TRAPPC9: variants seen among roughly 807,000 people sequenced by gnomAD.
The protein encoded by TRAPPC9 is IKK2 binding protein.
A neutral mutation model predicts 124.0 loss-of-function variants in TRAPPC9; 83 were observed. The ratio of observed to expected loss-of-function variants is 0.67; its 90% confidence interval spans 0.56 to 0.80. The LOEUF (loss-of-function observed/expected upper bound fraction) is 0.80. TRAPPC9 is among the 30% of genes least tolerant of loss of function. The pLI, the probability that TRAPPC9 is intolerant of heterozygous loss-of-function variation, is 0.00. For synonymous variants in TRAPPC9, 638 were observed against 617.5 expected, an observed-to-expected ratio of 1.03 and a Z score of -0.49; for missense variants, 1,302 against 1,508.3, an observed-to-expected ratio of 0.86 and a Z score of 2.27.
At chr8:139,943,561 C>A (rs996761562) in intron 19 of TRAPPC9, among the ~76,000 whole-genome samples, 3 of 152,154 alleles carry the variant, frequency 2.0e-5, no homozygotes, top group Admixed American at 6.5e-5. Flanking sequence ...AGAAAAGACA[C>A]TCAATAAATT....
At chr8:140,007,487 T>A (rs1345162772) in intron 18 of TRAPPC9, among the ~76,000 whole-genome samples, 2 of 152,218 alleles carry the variant, frequency 1.3e-5, no homozygotes, top group Admixed American at 6.5e-5. Flanking sequence ...AATAACAACC[T>A]GAAATCATGT....
intron 5 of TRAPPC9, 100 bp from the exon 6 acceptor site, chr8:140,405,798 A>G: frequency 7.4e-7 from 1 of 1,350,474 alleles, no homozygotes. Flanking sequence ...AATATGCCCT[A>G]CTGAAATTTA....
chr8:140,134,928 G>T (rs536091163), intron 17 of TRAPPC9, among the ~76,000 whole-genome samples: 1 of 152,228 alleles, frequency 6.6e-6, no homozygotes. Flanking sequence ...TATCTGATAA[G>T]GGTTTAATAT....
chr8:140,298,211 T>C (rs1231821512), intron 11 of TRAPPC9, among the ~76,000 whole-genome samples: 1 of 152,222 alleles, frequency 6.6e-6, no homozygotes, highest in Admixed American at 6.5e-5. Flanking sequence ...GTTATGCCCT[T>C]TATCTCAGCA....
At chr8:139,831,752 G>A (rs749646477) in intron 21 of TRAPPC9, among the ~76,000 whole-genome samples, 8 of 152,160 alleles carry the variant, frequency 5.3e-5, no homozygotes, top group Admixed American at 2.6e-4. Context: ...GCAACTTGCC[G>A]CAGTGAAAGT....
intron 17 of TRAPPC9, among the ~76,000 whole-genome samples, chr8:140,049,334 G>A (rs565503442): frequency 2.0e-5 from 3 of 152,030 alleles, no homozygotes; most frequent in Non-Finnish European, 4.4e-5. Context: ...GCTCCCTTCC[G>A]GGCCGAAGTG....
intron 21 of TRAPPC9, among the ~76,000 whole-genome samples, chr8:139,840,046 C>T (rs1185791443): frequency 1.3e-5 from 2 of 152,222 alleles, no homozygotes; most frequent in Admixed American, 6.5e-5. Context: ...ATGAAATGTT[C>T]GGCCAGTCTG....
At chr8:140,113,238 A>T (rs1214758662) in intron 17 of TRAPPC9, among the ~76,000 whole-genome samples, 1 of 152,228 alleles carries the variant, frequency 6.6e-6, no homozygotes, top group Non-Finnish European at 1.5e-5. Context: ...GCTTCATTTC[A>T]GGGAGATTGA....
intron 17 of TRAPPC9, among the ~76,000 whole-genome samples, chr8:140,131,738 C>A (rs756892928): frequency 6.6e-5 from 10 of 152,232 alleles, no homozygotes; most frequent in Non-Finnish European, 1.5e-4. Context: ...CCTGGTGGTC[C>A]TCTCCATCCA....
intron 17 of TRAPPC9, among the ~76,000 whole-genome samples, chr8:140,036,159 C>T (rs1840862046): frequency 6.6e-6 from 1 of 151,994 alleles, no homozygotes; most frequent in Non-Finnish European, 1.5e-5. Flanking sequence ...CACGCCTGTG[C>T]TCCCAACGGG....
chr8:140,373,403 C>G (rs2068339712), intron 7 of TRAPPC9, among the ~76,000 whole-genome samples: 1 of 152,214 alleles, frequency 6.6e-6, no homozygotes, highest in African/African-American at 2.4e-5. Context: ...ATCTGGCTCT[C>G]CCTTTGGACA....
intron 19 of TRAPPC9, among the ~76,000 whole-genome samples, chr8:139,930,930 G>T (rs1017239346): frequency 2.0e-5 from 3 of 152,192 alleles, no homozygotes; most frequent in African/African-American, 7.2e-5. Context: ...GCACTCGGTG[G>T]TGCCCCCTTT....
chr8:140,200,543 T>TGCG (rs1456443158), intron 17 of TRAPPC9, among the ~76,000 whole-genome samples: 2 of 152,080 alleles, frequency 1.3e-5, no homozygotes, highest in African/African-American at 2.4e-5. Context: ...TGGGCACCCC[T>TGCG]GCGGCGGCGG....
At chr8:140,045,618 C>A (rs566688082) in intron 17 of TRAPPC9, among the ~76,000 whole-genome samples, 2 of 123,946 alleles carry the variant, frequency 1.6e-5, no homozygotes, top group African/African-American at 6.6e-5. Context: ...CAGAGCAAGA[C>A]TCCATCTCGG....
intron 19 of TRAPPC9, among the ~76,000 whole-genome samples, chr8:139,982,553 C>T (rs1473215272): frequency 6.6e-6 from 1 of 152,186 alleles, no homozygotes; most frequent in Admixed American, 6.5e-5. Context: ...GCCTGGGGCC[C>T]AGGAAACAGA....
At chr8:140,014,932 C>T (rs1242393471) in intron 18 of TRAPPC9, among the ~76,000 whole-genome samples, 1 of 152,092 alleles carries the variant, frequency 6.6e-6, no homozygotes, top group Admixed American at 6.5e-5. Flanking sequence ...TTCCCATGCT[C>T]TCATATAGAA....
intron 21 of TRAPPC9, among the ~76,000 whole-genome samples, chr8:139,759,858 G>A (rs1019361281): frequency 6.6e-5 from 10 of 152,148 alleles, no homozygotes; most frequent in African/African-American, 1.2e-4. Context: ...CCAGGGCAGC[G>A]CAGCCTGCCG....
intron 21 of TRAPPC9, among the ~76,000 whole-genome samples, chr8:139,744,094 C>T (rs1157359747): frequency 6.6e-6 from 1 of 152,246 alleles, no homozygotes; most frequent in East Asian, 1.9e-4. Flanking sequence ...CACGCACTCA[C>T]AGCCTCTCCT....
intron 17 of TRAPPC9, among the ~76,000 whole-genome samples, chr8:140,169,339 G>A (rs2061915053): frequency 6.6e-6 from 1 of 152,178 alleles, no homozygotes; most frequent in Non-Finnish European, 1.5e-5. Flanking sequence ...ATGACTGGCG[G>A]AAATGGAAAA....
Sources: allele counts gnomAD v4.1 joint callset (sites outside exome capture counted in the v4.1 genomes callset), GRCh38; gene constraint gnomAD v4.1.1; transcripts MANE v1.5; gene names NCBI Gene and HGNC (gene_info 2026-07-23, HGNC 2026-07-21).